WASHC2C: variants seen among roughly 807,000 people sequenced by gnomAD.
WASHC2C encodes Vaccinia Penetration Factor.
In WASHC2C, 73 loss-of-function variants were observed where a neutral mutation model predicts 142.2. That is an observed-to-expected ratio of 0.51 (90% CI 0.43 to 0.62). The LOEUF (loss-of-function observed/expected upper bound fraction) is 0.62. Ranked by LOEUF, WASHC2C falls within the 20% of genes least tolerant of loss-of-function variation. The pLI is 0.00. For synonymous variants in WASHC2C, 337 were observed against 565.5 expected (o/e 0.60, Z 5.73); for missense variants, 969 against 1,531.7 (o/e 0.63, Z 6.13).
chr10:45,731,281 C>T (rs2050545011), intron 3 of WASHC2C, among the ~76,000 whole-genome samples: 1 of 135,886 alleles, frequency 7.4e-6, no homozygotes, highest in African/African-American at 2.8e-5. Flanking sequence ...AGTGCAGTGA[C>T]ACCATCTCGG....
intron 28 of WASHC2C, 145 bp downstream of exon 28, chr10:45,787,392 C>G (rs1379314126): frequency 2.7e-6 from 4 of 1,506,666 alleles, no homozygotes; most frequent in Non-Finnish European, 3.6e-6. Flanking sequence ...CCGCTCCCCC[C>G]TCCATTCTCC....
chr10:45,749,600 G>A (rs1207089405), intron 8 of WASHC2C, among the ~76,000 whole-genome samples: 14 of 150,882 alleles, frequency 9.3e-5, no homozygotes, highest in African/African-American at 3.2e-4. Flanking sequence ...TGAGGCGGGT[G>A]GATCACCTGA....
chr10:45,731,569 T>C (rs1217246908), intron 3 of WASHC2C, among the ~76,000 whole-genome samples: 1 of 149,264 alleles, frequency 6.7e-6, no homozygotes, highest in Non-Finnish European at 1.5e-5. Flanking sequence ...GCCCTTAGTG[T>C]TAAGTCTTGA....
chr10:45,784,224 G>A (rs2057738526), intron 23 of WASHC2C, among the ~76,000 whole-genome samples: 1 of 90,482 alleles, frequency 1.1e-5, no homozygotes, highest in South Asian at 4.2e-4. Context: ...TCTAAAGCTT[G>A]TGCATATATA....
chr10:45,769,193 C>G (rs1183867640), intron 19 of WASHC2C, among the ~76,000 whole-genome samples: 70 of 152,108 alleles, frequency 4.6e-4, no homozygotes, highest in African/African-American at 1.7e-3. Context: ...TCTCCGTTCA[C>G]TGCAAGCTCT....
rs561984199 is a variant in WASHC2C at position 45,786,958 on chromosome 10, T to G, written c.2875-77T>G. 1.1e-4 allele frequency: 180 copies of G among 1,611,926 alleles called. No homozygotes were observed. The African/African-American group carries it at 2.1e-3, about 19-fold the overall frequency. ...CGTATTATACATTATGTGTACCGAA[T>G]CTTGTCATGTGTCACAATAAAGATA... On this transcript the variant is annotated intron_variant, in intron 27 of 30. Coordinates refer to ENST00000623400, the MANE Select transcript of WASHC2C (RefSeq NM_001330074.2).
chr10:45,729,781 G>C (rs1554861570), intron 3 of WASHC2C, among the ~76,000 whole-genome samples: 1 of 145,662 alleles, frequency 6.9e-6, no homozygotes, highest in African/African-American at 2.6e-5. Context: ...ATTAAAGTAA[G>C]CGATCTCCCG....
intron 23 of WASHC2C, among the ~76,000 whole-genome samples, chr10:45,784,256 A>G (rs1162977190): frequency 0.022 from 113 of 5,114 alleles, no homozygotes; most frequent in African/African-American, 0.03. Flanking sequence ...GTGTGTGTAT[A>G]TATATATATA....
intron 23 of WASHC2C, among the ~76,000 whole-genome samples, chr10:45,784,213 C>A (rs1554888803): frequency 7.2e-6 from 1 of 139,318 alleles, no homozygotes; most frequent in Non-Finnish European, 1.5e-5. Flanking sequence ...GAAAGATTAT[C>A]TCTAAAGCTT....
intron 11 of WASHC2C, among the ~76,000 whole-genome samples, chr10:45,751,905 A>T (rs1198675957): frequency 6.6e-6 from 1 of 152,082 alleles, no homozygotes; most frequent in Non-Finnish European, 1.5e-5. Context: ...TGAACCCGGG[A>T]GGCAGAGATG....
intron 3 of WASHC2C, among the ~76,000 whole-genome samples, chr10:45,733,150 C>A (rs1282620188): frequency 6.6e-6 from 1 of 152,058 alleles, no homozygotes; most frequent in Non-Finnish European, 1.5e-5. Flanking sequence ...CTAGGCACAC[C>A]CCCTGGATAA....
At position 45,790,396 on chromosome 10, in the gene WASHC2C, A is replaced by G. The variant is rs1166467688; in HGVS notation, c.3749A>G (p.Lys1250Arg). Residue 1250 changes from lysine (K) to arginine (R), a missense_variant, in exon 30 of 31, where the codon AAA becomes AGA. By Grantham distance (26) the Lys-to-Arg change is conservative (BLOSUM62 2). Transcript: ENST00000623400. ...ACGGAAGCAATTAAACCCTCTCAGAAAACCAGAGAGAAGGAGAAAACATTG... is the reference window on the plus strand; with the variant it reads ...ACGGAAGCAATTAAACCCTCTCAGAGAACCAGAGAGAAGGAGAAAACATTG... Reference protein sequence around the residue: ...FATEAIKPSQKTREKEKTLES... With the variant: ...FATEAIKPSQRTREKEKTLES... The G allele has an allele frequency of 6.2e-7, 1 of 1,611,082 alleles. No individual in the cohort carries two copies. Among genetic ancestry groups the G allele is most frequent in the Non-Finnish European group, 8.5e-7 (1 of 1,179,704 alleles).
chr10:45,728,556 G>A (rs1006712099), intron 2 of WASHC2C, among the ~76,000 whole-genome samples: 2 of 151,592 alleles, frequency 1.3e-5, no homozygotes, highest in East Asian at 2.0e-4. Flanking sequence ...GGCCAACATG[G>A]TGAAACCCCG....
At chr10:45,773,483 C>G (rs1554885422) in intron 21 of WASHC2C, 125 bp downstream of exon 21, 1 of 828,348 alleles carries the variant, frequency 1.2e-6, no homozygotes, top group East Asian at 2.5e-5. Context: ...ACCTTATTTG[C>G]CTGGTTTCAG....
rs1347425665 is a variant in WASHC2C, at chr10:45,790,086, T to A, written c.3709-270T>A. The stretch of plus-strand genomic sequence containing the variant: ...ACTAAGTGTCATGAAGAAAGTAACC[T>A]GGGGCAGAGTGGTGGGTAGGGCTGG... On this transcript the variant is annotated intron_variant, in intron 29 of 30. Transcript: ENST00000623400. Among the ~76,000 whole-genome samples, 1,359 of 152,278 alleles carry A rather than the reference T, an allele frequency of 8.9e-3. 16 individuals are homozygous for A. The highest frequency in any genetic ancestry group is 0.031 in the African/African-American group (1,294 of 41,550).
At chr10:45,776,114 T>C (rs2057054404) in intron 21 of WASHC2C, among the ~76,000 whole-genome samples, 1 of 152,214 alleles carries the variant, frequency 6.6e-6, no homozygotes, top group Non-Finnish European at 1.5e-5. Flanking sequence ...TCAAGTTCAA[T>C]GGTTTTGCAC....
intron 28 of WASHC2C, among the ~76,000 whole-genome samples, chr10:45,788,549 CAG>C (rs370854854): frequency 0.042 from 6,453 of 152,212 alleles, 185 homozygotes; most frequent in Non-Finnish European, 0.061. Flanking sequence ...TTGTGAGACA[CAG>C]AGAGCCAACA....
At chr10:45,768,611 T>G (rs2338447) in intron 19 of WASHC2C, among the ~76,000 whole-genome samples, 1 of 152,156 alleles carries the variant, frequency 6.6e-6, no homozygotes, top group Non-Finnish European at 1.5e-5. Flanking sequence ...TGAGCATAGT[T>G]GAGTAGAATT....
At chr10:45,786,389 C>T in intron 26 of WASHC2C, 1 of 650,638 alleles carries the variant, frequency 1.5e-6, no homozygotes. Context: ...TTCCTTGACT[C>T]CATATCTGAT....
Sources: gnomAD v4.1 joint callset for allele counts (sites outside exome capture counted in the v4.1 genomes callset) on GRCh38, gnomAD v4.1.1 for gene constraint, MANE v1.5 for transcripts, NCBI Gene and HGNC (gene_info 2026-07-23, HGNC 2026-07-21) for gene names.